The following LMCD1 variants were observed in gnomAD, a reference collection of about 807,000 sequenced individuals.
LMCD1 encodes the protein LIM and cysteine rich domains 1.
In LMCD1, 32 loss-of-function variants were observed where a neutral mutation model predicts 42.7. The ratio of observed to expected loss-of-function variants is 0.75; its 90% CI spans 0.57 to 1.01. LMCD1 has a LOEUF of 1.01. LMCD1 is among the 50% of genes least tolerant of loss of function. LMCD1 has a pLI of 0.00. For synonymous variants in LMCD1, 178 were observed against 184.9 expected (o/e 0.96, Z 0.30); for missense variants, 458 against 483.1 (o/e 0.95, Z 0.49).
intron 1 of LMCD1, among the ~76,000 whole-genome samples, chr3:8,508,813 A>AC (rs1238410110): frequency 1.1e-4 from 17 of 151,992 alleles, no homozygotes; most frequent in African/African-American, 4.1e-4. Flanking sequence ...TGTCACTTCC[A>AC]CCCCCAGAGT....
rs1695168958 is a variant in LMCD1 at position 8,568,760 on chromosome 3, G to A, written c.*1162G>A. 6.6e-6 allele frequency: 1 copy of A among 152,074 alleles called. No homozygotes were observed. Among genetic ancestry groups the A allele is most frequent in the Admixed American group, 6.5e-5 (1 of 15,280 alleles). 9.4% of individuals were successfully genotyped at this position (152,074 alleles called of 1,614,324 possible). A position where few individuals can be genotyped will look rare whatever the true frequency, so the allele number is the denominator to read the frequency against. Reference sequence around the variant, plus strand: ...CTCTTAAATTAATTTCTTTCCCACAGTTTCTAAGAAAAACATATTTTTCTA... The same window carrying A: ...CTCTTAAATTAATTTCTTTCCCACAATTTCTAAGAAAAACATATTTTTCTA... On this transcript the variant is annotated 3_prime_UTR_variant, in exon 6 of 6. Coordinates refer to ENST00000157600, the MANE Select transcript of LMCD1 (RefSeq NM_014583.4).
At position 8,501,960 on chromosome 3, in the gene LMCD1, C is replaced by G; in HGVS notation, c.22C>G (p.Leu8Val). Residue 8 changes from leucine (L) to valine (V), a missense_variant, in exon 1 of 6, where the codon CTC becomes GTC. By Grantham distance (32) the Leu-to-Val change is conservative. Coordinates refer to ENST00000157600, the MANE Select transcript of LMCD1 (RefSeq NM_014583.4). MAKVAKD[L>V]NPGVKKMSLG... ...GAGGATGGCAAAGGTGGCTAAGGAC[C>G]TCAACCCAGGAGTTAAAAAGGTGAG... 1 of 1,594,162 alleles carries G rather than the reference C, an allele frequency of 6.3e-7. No individual in the cohort carries two copies. The highest frequency in any genetic ancestry group is 8.5e-7 in the Non-Finnish European group (1 of 1,171,532).
chr3:8,511,380 GAA>G (rs1693996448), intron 1 of LMCD1, among the ~76,000 whole-genome samples: 1 of 152,154 alleles, frequency 6.6e-6, no homozygotes, highest in Admixed American at 6.5e-5. Flanking sequence ...GGGAAATGAA[GAA>G]ATAAAAGGAA....
intron 1 of LMCD1, among the ~76,000 whole-genome samples, chr3:8,503,424 C>T (rs540531739): frequency 6.6e-6 from 1 of 152,352 alleles, no homozygotes; most frequent in East Asian, 1.9e-4. Context: ...ATTTGCCAAG[C>T]TATTTGCAGA....
At position 8,537,359 on chromosome 3, in the gene LMCD1, C is replaced by T; in HGVS notation, c.306C>T (p.Thr102=). ...RIYKRNRMIM[T]NPIATGKDPT... is the part of the protein sequence containing the mutation. ...ACAAGAGGAACCGGATGATCATGACCAACCCTATTGCTACTGGGAAAGATC... is the reference window on the plus strand; with the variant it reads ...ACAAGAGGAACCGGATGATCATGACTAACCCTATTGCTACTGGGAAAGATC... Residue 102 remains threonine, a synonymous_variant, in exon 3 of 6, where the codon ACC becomes ACT. Coordinates refer to ENST00000157600, the MANE Select transcript of LMCD1 (RefSeq NM_014583.4). 2 of 1,614,096 alleles carry T rather than the reference C, an allele frequency of 1.2e-6. No homozygotes were observed. Among genetic ancestry groups the T allele is most frequent in the Non-Finnish European group, 1.7e-6 (2 of 1,179,972 alleles).
chr3:8,543,397 T>TAGATGATA (rs112109655), intron 3 of LMCD1, among the ~76,000 whole-genome samples: 3 of 92,874 alleles, frequency 3.2e-5, no homozygotes, highest in East Asian at 2.2e-4. Flanking sequence ...GATAGATAGA[T>TAGATGATA]GATAGATAGA....
At chr3:8,533,123 G>C (rs1041643740) in intron 2 of LMCD1, among the ~76,000 whole-genome samples, 3 of 152,148 alleles carry the variant, frequency 2.0e-5, no homozygotes, top group African/African-American at 7.2e-5. Context: ...CCAAGCAGAG[G>C]TTAGCTGGTC....
intron 3 of LMCD1, among the ~76,000 whole-genome samples, chr3:8,540,808 T>C (rs549262453): frequency 6.6e-6 from 1 of 152,316 alleles, no homozygotes; most frequent in South Asian, 2.1e-4. Context: ...CTGAGTATGT[T>C]ACAGGCTCAT....
chr3:8,529,492 C>G (rs1694364940), intron 1 of LMCD1, among the ~76,000 whole-genome samples: 1 of 152,190 alleles, frequency 6.6e-6, no homozygotes, highest in African/African-American at 2.4e-5. Flanking sequence ...CTTCACTTGC[C>G]TGACTGCATG....
At chr3:8,552,350 A>G (rs1419387393) in intron 4 of LMCD1, among the ~76,000 whole-genome samples, 1 of 152,210 alleles carries the variant, frequency 6.6e-6, no homozygotes, top group East Asian at 1.9e-4. Flanking sequence ...TAAAAGGATC[A>G]TGTGGCTGGC....
intron 1 of LMCD1, among the ~76,000 whole-genome samples, chr3:8,513,540 C>T (rs1005893865): frequency 6.6e-6 from 1 of 152,022 alleles, no homozygotes; most frequent in Non-Finnish European, 1.5e-5. Context: ...ACTCCAAACC[C>T]ATGTCATAAA....
intron 4 of LMCD1, among the ~76,000 whole-genome samples, chr3:8,554,348 T>C (rs1295685548): frequency 2.0e-5 from 3 of 151,922 alleles, no homozygotes; most frequent in Non-Finnish European, 2.9e-5. Flanking sequence ...TCTGAAGCCG[T>C]GTTGGGGTGG....
At chr3:8,555,716 CT>C (rs35525213) in intron 4 of LMCD1, among the ~76,000 whole-genome samples, 420 of 63,262 alleles carry the variant, frequency 6.6e-3, no homozygotes, top group South Asian at 7.5e-3. Context: ...CTTCAACGAG[CT>C]TTTTTTTTTT....
intron 4 of LMCD1, among the ~76,000 whole-genome samples, chr3:8,558,251 G>A (rs1694963451): frequency 6.6e-6 from 1 of 152,212 alleles, no homozygotes; most frequent in African/African-American, 2.4e-5. Flanking sequence ...AAACACCCAT[G>A]GCTGAGGGAA....
intron 3 of LMCD1, among the ~76,000 whole-genome samples, chr3:8,538,917 T>C (rs1198277655): frequency 1.3e-5 from 2 of 152,210 alleles, no homozygotes; most frequent in Admixed American, 6.5e-5. Context: ...GTGTGGGCTG[T>C]GGACTGGAGC....
intron 1 of LMCD1, among the ~76,000 whole-genome samples, chr3:8,518,675 C>T (rs1477750424): frequency 6.6e-6 from 1 of 152,046 alleles, no homozygotes; most frequent in African/African-American, 2.4e-5. Flanking sequence ...TGAAGAGATT[C>T]CAGGAGCTGA....
At chr3:8,531,364 G>A (rs192765215) in intron 1 of LMCD1, among the ~76,000 whole-genome samples, 1 of 152,246 alleles carries the variant, frequency 6.6e-6, no homozygotes, top group Admixed American at 6.5e-5. Context: ...AGAAGAAGTA[G>A]TCTGCTCTAA....
At position 8,567,890 on chromosome 3, in the gene LMCD1, A is replaced by C; in HGVS notation, c.*292A>C. On this transcript the variant is annotated 3_prime_UTR_variant, in exon 6 of 6. Transcript: ENST00000157600. ...CAGCTACAACCAACTAAAGACACAA[A>C]TGGCGTTCTGCAAGGGGACTCTGGG... is the stretch of plus-strand genomic sequence containing the variant. The C allele has an allele frequency of 4.7e-6, 1 of 214,056 alleles. No individual in the cohort carries two copies. Among genetic ancestry groups the C allele is most frequent in the Non-Finnish European group, 9.2e-6 (1 of 108,940 alleles). The allele number at this position is 214,056 out of a possible 1,614,324, so 13.3% of individuals were successfully genotyped here.
chr3:8,518,452 T>C (rs73127971), intron 1 of LMCD1, among the ~76,000 whole-genome samples: 7,067 of 152,294 alleles, frequency 0.046, 292 homozygotes, highest in African/African-American at 0.1. Context: ...CTTCTGAGTA[T>C]ACCACACAAG....
Sources: allele counts gnomAD v4.1 joint callset (sites outside exome capture counted in the v4.1 genomes callset), GRCh38; gene constraint gnomAD v4.1.1; transcripts MANE v1.5; gene names NCBI Gene and HGNC (gene_info 2026-07-23, HGNC 2026-07-21).